ZNF792: variants seen among roughly 807,000 people sequenced by gnomAD.
ZNF792 encodes zinc finger protein 792.
In ZNF792, 14 loss-of-function variants were observed where a neutral mutation model predicts 13.1. That is an observed-to-expected ratio of 1.07 (90% CI 0.71 to 1.67). ZNF792 has a LOEUF of 1.67. Among genes scored for constraint, ZNF792 ranks in the 40% most tolerant of loss-of-function variants. The probability of loss-of-function intolerance (pLI) is 0.00; values close to 1 mark genes in which losing one functional copy is unlikely to be tolerated. For missense variants in ZNF792, 740 were observed against 807.9 expected, an observed-to-expected ratio of 0.92 and a Z score of 1.02; for synonymous variants, 257 against 292.0, an observed-to-expected ratio of 0.88 and a Z score of 1.22.
In ZNF792 at chr19:34,958,926, T is replaced by C. The variant is rs2151682212; in HGVS notation, c.929A>G (p.Tyr310Cys). 3 of 1,614,020 alleles carry C rather than the reference T, an allele frequency of 1.9e-6. No homozygotes were observed. Among genetic ancestry groups the C allele is most frequent in the South Asian group, 1.1e-5 (1 of 91,070 alleles). ...GAATTTTCCACATTCACAGCACTCA[T>C]ACGGTTTTCCTCTATTGTGAACTTT... ...HQKVHNRGKP[Y>C]ECCECGKFFS... Residue 310 changes from tyrosine to cysteine, a missense_variant, in exon 4 of 4, where the codon TAT (tyrosine) becomes TGT (cysteine). By Grantham distance (194) the Tyr-to-Cys change is radical (BLOSUM62 -2). Transcript: ENST00000404801.
In ZNF792 at chr19:34,959,256, G is replaced by A; in HGVS notation, c.599C>T (p.Thr200Ile). 6.2e-7 allele frequency: 1 copy of A among 1,614,038 alleles called. No individual in the cohort carries two copies. Among genetic ancestry groups the A allele is most frequent in the Non-Finnish European group, 8.5e-7 (1 of 1,179,890 alleles). ...TEEGQASPVK[T>I]CRDHTSDQLS... The stretch of plus-strand genomic sequence containing the variant: ...CTGATCTGATGTGTGGTCTCTGCAG[G>A]TCTTTACAGGGGAAGCCTGGCCCTC... The change falls in exon 4 of 4, where the codon ACC becomes ATC. Residue 200 changes from threonine (T) to isoleucine (I), a missense_variant. By Grantham distance (89) the Thr-to-Ile change is moderately conservative. Coordinates refer to ENST00000404801, the MANE Select transcript of ZNF792 (RefSeq NM_175872.5).
At position 34,958,135 on chromosome 19, in the gene ZNF792, TTTGG is replaced by T; in HGVS notation, c.1716_1719del (p.Asn572LysfsTer32). ...TTCTGATGCCGAATGAGGGTAGGCC[TTTGG>T]TTGAAGGCTTTCCCACATTCGCTGC... is the stretch of plus-strand genomic sequence containing the variant. On this transcript the variant is annotated frameshift_variant, in exon 4 of 4. Coordinates refer to ENST00000404801, the MANE Select transcript of ZNF792 (RefSeq NM_175872.5). LOFTEE classifies it low-confidence loss of function (END_TRUNC). The T allele has an allele frequency of 6.2e-7, 1 of 1,613,706 alleles. No homozygotes were observed. Among genetic ancestry groups the T allele is most frequent in the Non-Finnish European group, 8.5e-7 (1 of 1,179,726 alleles).
At position 34,960,954 on chromosome 19, in the gene ZNF792, T is replaced by C. The variant is rs779331121; in HGVS notation, c.74A>G (p.Gln25Arg). Residue 25 changes from glutamine to arginine, a missense_variant, in exon 2 of 4, where the codon CAG becomes CGG. Transcript: ENST00000404801. ...TFEDVTIYFS[Q>R]EEWVLLDEAQ... ...CTCATCGAGGAGCACCCACTCCTCCTGGGAGAAGTAAATGGTCACGTCCTC... is the reference window on the plus strand; with the variant it reads ...CTCATCGAGGAGCACCCACTCCTCCCGGGAGAAGTAAATGGTCACGTCCTC... The C allele has an allele frequency of 6.2e-7, 1 of 1,613,980 alleles. No individual in the cohort carries two copies. The highest frequency in any genetic ancestry group is 1.7e-5 in the Admixed American group (1 of 59,996).
In ZNF792 at chr19:34,956,885, G is replaced by A. The variant is rs1199469736; in HGVS notation, c.*1071C>T. ...ATTATTTGCTCTGCCAGTAACATTA[G>A]TCATAGGACAGAGGTCTGAGGTCCT... On this transcript the variant is annotated 3_prime_UTR_variant, in exon 4 of 4. Transcript: ENST00000404801. 6.6e-6 allele frequency: 1 copy of A among 152,250 alleles called. No homozygotes were observed. The highest frequency in any genetic ancestry group is 6.5e-5 in the Admixed American group (1 of 15,288). 9.4% of individuals were successfully genotyped at this position (152,250 alleles called of 1,614,324 possible).
rs1210306471 is a variant in ZNF792, at chr19:34,959,495, C to T, written c.360G>A (p.Arg120=). Residue 120 remains arginine, a synonymous_variant, in exon 4 of 4, where the codon AGG becomes AGA. Transcript: ENST00000404801. The part of the protein sequence containing the change: ...NVSVEGVAQD[R]SPEATLCPQK... ...GGGGGCACAGAGTTGCCTCGGGACT[C>T]CTGTCCTGTGCCACTCCTTCTACAG... 8.1e-6 allele frequency: 13 copies of T among 1,608,688 alleles called. No individual in the cohort carries two copies. Among genetic ancestry groups the T allele is most frequent in the African/African-American group, 1.3e-5 (1 of 74,848 alleles).
chr19:34,962,217 TG>T (rs1407545069), intron 1 of ZNF792, among the ~76,000 whole-genome samples: 1 of 152,224 alleles, frequency 6.6e-6, no homozygotes, highest in Non-Finnish European at 1.5e-5. Context: ...TGTCACATTT[TG>T]GATGTTTCTA....
intron 1 of ZNF792, among the ~76,000 whole-genome samples, chr19:34,962,304 G>T (rs2013541023): frequency 6.6e-6 from 1 of 152,210 alleles, no homozygotes. Context: ...TAGCAAGAGA[G>T]ACTCAATGCA....
Position 34,959,005 on chromosome 19 carries a change from A to T in ZNF792, c.850T>A (p.Cys284Ser), listed in dbSNP as rs1190562340. The T allele has an allele frequency of 4.3e-6, 7 of 1,614,036 alleles. No individual in the cohort carries two copies. Among genetic ancestry groups the T allele is most frequent in the Middle Eastern group, 1.7e-4 (1 of 6,060 alleles). The change falls in exon 4 of 4, where the codon TGC becomes AGC. Residue 284 changes from cysteine to serine, a missense_variant. Transcript: ENST00000404801. ...RIHSRERPYE[C>S]SKCGIFFTYA... is the part of the protein sequence containing the mutation. ...GTGAAGAAGATTCCACATTTGCTGC[A>T]TTCATAAGGCCTTTCTCTGCTGTGG...
At position 34,957,335 on chromosome 19, in the gene ZNF792, A is replaced by C. The variant is rs1011536449; in HGVS notation, c.*621T>G. On this transcript the variant is annotated 3_prime_UTR_variant, in exon 4 of 4. Coordinates refer to ENST00000404801, the MANE Select transcript of ZNF792 (RefSeq NM_175872.5). ...ATTTTTCCTAGGAGGCCTTGGTGGC[A>C]ATGCAAATGAGGTCAAATCTGGATT... 1 of 152,188 alleles carries C rather than the reference A, an allele frequency of 6.6e-6. No individual in the cohort carries two copies. The highest frequency in any genetic ancestry group is 1.9e-4 in the East Asian group (1 of 5,196). The allele number at this position is 152,188 out of a possible 1,614,324, so 9.4% of individuals were successfully genotyped here.
intron 2 of ZNF792, 187 bp downstream of exon 2, chr19:34,960,681 G>C (rs1161032188): frequency 1.1e-6 from 1 of 890,144 alleles, no homozygotes. Flanking sequence ...GCAGGTGTGG[G>C]GGCAGCTCAG....
rs893406760 is a variant in ZNF792 at position 34,963,875 on chromosome 19, C to T, written c.-213G>A. 1 of 560,410 alleles carries T rather than the reference C, an allele frequency of 1.8e-6. No individual in the cohort carries two copies. The highest frequency in any genetic ancestry group is 3.1e-6 in the Non-Finnish European group (1 of 326,672). 34.7% of individuals were successfully genotyped at this position (560,410 alleles called of 1,614,324 possible). On this transcript the variant is annotated 5_prime_UTR_variant, in exon 1 of 4. Transcript: ENST00000404801. ...CCGGGGGCGCCGAGAGCGCGCAGCTCCGCTGGGTACCCCCGTTGCAAGGGG... is the reference window on the plus strand; with the variant it reads ...CCGGGGGCGCCGAGAGCGCGCAGCTTCGCTGGGTACCCCCGTTGCAAGGGG...
intron 1 of ZNF792, 72 bp downstream of exon 1, chr19:34,963,558 C>T (rs1225271893): frequency 6.4e-7 from 1 of 1,561,554 alleles, no homozygotes; most frequent in Non-Finnish European, 8.7e-7. Flanking sequence ...ACAAAGCCAT[C>T]TTTTGCGTCT....
intron 1 of ZNF792, 40 bp from the exon 2 acceptor site, chr19:34,961,034 G>T: frequency 6.3e-7 from 1 of 1,586,302 alleles, no homozygotes; most frequent in South Asian, 1.2e-5. Flanking sequence ...ATCAGTCTCT[G>T]TCCTTGGGAC....
rs1414789352 is a variant in ZNF792 at position 34,958,299 on chromosome 19, G to C, written c.1556C>G (p.Ser519Cys). The change falls in exon 4 of 4, where the codon TCC (serine) becomes TGC (cysteine). Residue 519 changes from serine to cysteine, a missense_variant. By Grantham distance (112) the Ser-to-Cys change is moderately radical. Coordinates refer to ENST00000404801, the MANE Select transcript of ZNF792 (RefSeq NM_175872.5). ...AAGTCTCCGGTGGTTATTGAGGCTGGAGCTTTGGTTAAAGAATTTCCCACA... is the reference window on the plus strand; with the variant it reads ...AAGTCTCCGGTGGTTATTGAGGCTGCAGCTTTGGTTAAAGAATTTCCCACA... ...SECGKFFNQS[S>C]SLNNHRRLHT... 4.3e-6 allele frequency: 7 copies of C among 1,613,458 alleles called. No homozygotes were observed. Among genetic ancestry groups the C allele is most frequent in the Non-Finnish European group, 5.9e-6 (7 of 1,179,626 alleles).
At position 34,960,239 on chromosome 19, in the gene ZNF792, G is replaced by A. The variant is rs777707998; in HGVS notation, c.279C>T (p.Gly93=). ...CTAGCTCCCATCGCTGCTTACCAGA[G>A]CCAGGCCTGCCATAAGCCCCTCTGG... ...AMARGAYGRP[G]SDFCHGTEGK... Residue 93 remains glycine, a synonymous_variant, in exon 3 of 4, where the codon GGC becomes GGT. Transcript: ENST00000404801. 6.2e-7 allele frequency: 1 copy of A among 1,613,628 alleles called. No individual in the cohort carries two copies. Among genetic ancestry groups the A allele is most frequent in the South Asian group, 1.1e-5 (1 of 91,072 alleles).
chr19:34,959,748 A>C (rs2013498357), intron 3 of ZNF792, among the ~76,000 whole-genome samples, 177 bp from the exon 4 acceptor site: 1 of 152,132 alleles, frequency 6.6e-6, no homozygotes, highest in Non-Finnish European at 1.5e-5. Context: ...CAGGTCACAA[A>C]ATACAGGAGG....
rs779331121 is a variant in ZNF792, at chr19:34,960,954, T to G, written c.74A>C (p.Gln25Pro). 1.6e-5 allele frequency: 26 copies of G among 1,613,862 alleles called. No individual in the cohort carries two copies. In the African/African-American group the frequency reaches 1.7e-4, roughly 11 times the overall value. ...CTCATCGAGGAGCACCCACTCCTCC[T>G]GGGAGAAGTAAATGGTCACGTCCTC... ...TFEDVTIYFS[Q>P]EEWVLLDEAQ... Residue 25 changes from glutamine to proline, a missense_variant, in exon 2 of 4, where the codon CAG becomes CCG. Gln to Pro is a moderately conservative substitution (Grantham distance 76, BLOSUM62 -1). Transcript: ENST00000404801.
Position 34,963,380 on chromosome 19 carries a change from T to C in ZNF792, c.33+250A>G, listed in dbSNP as rs139508394. Among the ~76,000 whole-genome samples, 775 of 152,086 alleles carry C rather than the reference T, an allele frequency of 5.1e-3. 7 individuals are homozygous for C. The highest frequency in any genetic ancestry group is 0.016 in the African/African-American group (668 of 41,480). ...CCCACCCCCAAGCTTTTGCGCACGCTGGTTCCTGTGCCTACAAAGCCCTTT... is the reference window on the plus strand; with the variant it reads ...CCCACCCCCAAGCTTTTGCGCACGCCGGTTCCTGTGCCTACAAAGCCCTTT... On this transcript the variant is annotated intron_variant, in intron 1 of 3. Coordinates refer to ENST00000404801, the MANE Select transcript of ZNF792 (RefSeq NM_175872.5).
rs749233438 is a variant in ZNF792, at chr19:34,959,128, C to T, written c.727G>A (p.Gly243Ser). ...AGTGCAATGTGAAAATCCACCACAC[C>T]TTCGGTGGCCTCGTGCGGCTCCCCA... is the stretch of plus-strand genomic sequence containing the variant. The part of the protein sequence containing the change: ...SDGEPHEATE[G>S]VVDFHIALRH... Residue 243 changes from glycine to serine, a missense_variant, in exon 4 of 4, where the codon GGT becomes AGT. Gly to Ser is a moderately conservative substitution (Grantham distance 56). Transcript: ENST00000404801. 6.2e-7 allele frequency: 1 copy of T among 1,613,826 alleles called. No homozygotes were observed. Among genetic ancestry groups the T allele is most frequent in the South Asian group, 1.1e-5 (1 of 91,084 alleles).
Sources: gnomAD v4.1 joint callset for allele counts (sites outside exome capture counted in the v4.1 genomes callset) on GRCh38, gnomAD v4.1.1 for gene constraint, MANE v1.5 for transcripts, NCBI Gene and HGNC (gene_info 2026-07-23, HGNC 2026-07-21) for gene names.